Variants in ABCC11 observed in about 807,000 individuals in gnomAD.
ABCC11 encodes ATP-binding cassette sub-family C member 11.
A neutral mutation model predicts 149.3 loss-of-function variants in ABCC11; 135 were observed. That is an observed-to-expected ratio of 0.90 (90% CI 0.79 to 1.04). The LOEUF (loss-of-function observed/expected upper bound fraction) is 1.04, where lower values mean the gene tolerates loss of function less well. Among genes scored for constraint, ABCC11 ranks in the 50% least tolerant of loss-of-function variants. The probability of loss-of-function intolerance (pLI) is 0.00; values close to 1 mark genes in which losing one functional copy is unlikely to be tolerated. For synonymous variants in ABCC11, 665 were observed against 671.4 expected, an observed-to-expected ratio of 0.99 and a Z score of 0.15; for missense variants, 1,680 against 1,722.1, an observed-to-expected ratio of 0.98 and a Z score of 0.43.
intron 17 of ABCC11, among the ~76,000 whole-genome samples, chr16:48,196,607 C>G (rs973152487): frequency 6.6e-6 from 1 of 152,234 alleles, no homozygotes; most frequent in East Asian, 1.9e-4. Flanking sequence ...AAGAAAACCA[C>G]CTGGGACCAG....
chr16:48,215,126 T>C, intron 8 of ABCC11, 71 bp downstream of exon 8: 1 of 1,582,838 alleles, frequency 6.3e-7, no homozygotes, highest in Non-Finnish European at 8.6e-7. Flanking sequence ...AAAAAAATCC[T>C]CAAGAGGTGA....
chr16:48,207,727 A>G (rs1234558680), intron 12 of ABCC11, among the ~76,000 whole-genome samples: 2 of 152,102 alleles, frequency 1.3e-5, no homozygotes, highest in Non-Finnish European at 2.9e-5. Flanking sequence ...GAAAGAAAAG[A>G]AAGAAAAAAG....
At chr16:48,224,470 T>A (rs73546424) in intron 4 of ABCC11, 41 bp from the exon 5 acceptor site, 150,067 of 1,602,192 alleles carry the variant, frequency 0.094, 8,133 homozygotes, top group African/African-American at 0.23. Flanking sequence ...TCTCTTTGCA[T>A]GTGACATCCA....
intron 20 of ABCC11, among the ~76,000 whole-genome samples, chr16:48,188,658 A>G (rs1196526950): frequency 6.6e-6 from 1 of 152,232 alleles, no homozygotes; most frequent in African/African-American, 2.4e-5. Flanking sequence ...AGATTGCAGA[A>G]GAGGAAGTGG....
chr16:48,208,630 C>G, intron 11 of ABCC11, 134 bp from the exon 12 acceptor site: 1 of 899,898 alleles, frequency 1.1e-6, no homozygotes, highest in Non-Finnish European at 1.7e-6. Context: ...CCCAAGACTC[C>G]TCAGACAGGC....
intron 22 of ABCC11, 118 bp downstream of exon 22, chr16:48,186,835 G>C (rs890369427): frequency 4.6e-6 from 6 of 1,302,546 alleles, no homozygotes; most frequent in Non-Finnish European, 6.3e-6. Context: ...TACGTCCATC[G>C]AACAATGTGC....
In ABCC11 at chr16:48,203,229, T is replaced by G. The variant is rs945156497; in HGVS notation, c.1877A>C (p.Glu626Ala). The change falls in exon 14 of 30, where the codon GAG becomes GCG. Residue 626 changes from glutamate (E) to alanine (A), a missense_variant and splice_region_variant. Coordinates refer to ENST00000356608, the MANE Select transcript of ABCC11 (RefSeq NM_001370497.1). Reference protein sequence around the residue: ...LELLPFGDMTEIGERGLNLSG... With the variant: ...LELLPFGDMTAIGERGLNLSG... ...AAGGCAGGCTCGCCTCCCTCTCACC[T>G]CTGTCATGTCTCCAAAGGGCAGAAG... The G allele has an allele frequency of 6.4e-7, 1 of 1,571,732 alleles. No individual in the cohort carries two copies. Among genetic ancestry groups the G allele is most frequent in the Non-Finnish European group, 8.6e-7 (1 of 1,157,422 alleles).
At chr16:48,239,588 C>T (rs1002024447) in intron 1 of ABCC11, among the ~76,000 whole-genome samples, 7 of 141,686 alleles carry the variant, frequency 4.9e-5, no homozygotes, top group Non-Finnish European at 7.7e-5. Flanking sequence ...AAAAAAAAAT[C>T]TAGGTAATAC....
intron 26 of ABCC11, among the ~76,000 whole-genome samples, chr16:48,175,047 C>T (rs1020746894): frequency 3.9e-5 from 6 of 152,220 alleles, no homozygotes; most frequent in Admixed American, 1.3e-4. Context: ...TATAACATTA[C>T]GGTTTACAAA....
At chr16:48,224,514 T>C (rs1463695766) in intron 4 of ABCC11, 85 bp from the exon 5 acceptor site, 164 of 1,478,574 alleles carry the variant, frequency 1.1e-4, no homozygotes, top group Non-Finnish European at 1.5e-4. Flanking sequence ...GGAGCTTTGT[T>C]GCAGAAATTT....
At position 48,170,889 on chromosome 16, in the gene ABCC11, G is replaced by A. The variant is rs777929423; in HGVS notation, c.3777C>T (p.Ala1259=). Residue 1259 remains alanine (A), a splice_region_variant and synonymous_variant, in exon 27 of 30, where the codon GCC becomes GCT. Coordinates refer to ENST00000356608, the MANE Select transcript of ABCC11 (RefSeq NM_001370497.1). The part of the protein sequence containing the change: ...DALERTFLTK[A]ISKFPKKLHT... ...AGACTTGGGCCTTGGAGCTACTTACGGCCTTGGTCAGGAATGTCCTCTCCA... is the reference window on the plus strand; with the variant it reads ...AGACTTGGGCCTTGGAGCTACTTACAGCCTTGGTCAGGAATGTCCTCTCCA... 1.4e-5 allele frequency: 22 copies of A among 1,612,484 alleles called. No individual in the cohort carries two copies. In the East Asian group the frequency reaches 1.8e-4, roughly 13 times the overall value.
In ABCC11 at chr16:48,185,472, G is replaced by C. The variant is rs1364136595; in HGVS notation, c.3072-846C>G. Reference sequence around the variant, plus strand: ...TCAATCACAACCTGTACTGTTATTTGATTAGTATTATTATTTTACTTGCTT... The same window carrying C: ...TCAATCACAACCTGTACTGTTATTTCATTAGTATTATTATTTTACTTGCTT... On this transcript the variant is annotated intron_variant, in intron 22 of 29. Coordinates refer to ENST00000356608, the MANE Select transcript of ABCC11 (RefSeq NM_001370497.1). Among the ~76,000 whole-genome samples the C allele has an allele frequency of 2.6e-5, 4 of 152,048 alleles. No individual in the cohort carries two copies. The East Asian group carries it at 5.8e-4, about 22-fold the overall frequency.
intron 1 of ABCC11, among the ~76,000 whole-genome samples, chr16:48,233,664 C>T (rs545336350): frequency 2.6e-5 from 4 of 152,324 alleles, no homozygotes; most frequent in African/African-American, 9.6e-5. Flanking sequence ...GATTTATTCA[C>T]ACACAAAGAT....
rs1387435585 is a variant in ABCC11, at chr16:48,211,219, T to C, written c.1357-20A>G. 6.2e-7 allele frequency: 1 copy of C among 1,610,244 alleles called. No homozygotes were observed. The highest frequency in any genetic ancestry group is 8.5e-7 in the Non-Finnish European group (1 of 1,178,592). On this transcript the variant is annotated intron_variant, in intron 10 of 29. Coordinates refer to ENST00000356608, the MANE Select transcript of ABCC11 (RefSeq NM_001370497.1). ...AAACTTCTGTAAAGACAGAAAAAAATAGAGGGAGGAGGAATACAGTTCTTT... is the reference window on the plus strand; with the variant it reads ...AAACTTCTGTAAAGACAGAAAAAAACAGAGGGAGGAGGAATACAGTTCTTT...
At chr16:48,183,527 C>T (rs112070797) in intron 23 of ABCC11, among the ~76,000 whole-genome samples, 1,832 of 152,314 alleles carry the variant, frequency 0.012, 40 homozygotes, top group African/African-American at 0.042. Context: ...TTTGGGAGAC[C>T]GAGGCCAGTG....
intron 20 of ABCC11, among the ~76,000 whole-genome samples, chr16:48,189,610 A>AATTAAAAT (rs1966854040): frequency 1.3e-5 from 2 of 152,226 alleles, no homozygotes; most frequent in Non-Finnish European, 2.9e-5. Flanking sequence ...CATTTCTCAA[A>AATTAAAAT]ATTAAAATAC....
In ABCC11 at chr16:48,222,509, C is replaced by T. The variant is rs570768510; in HGVS notation, c.777+89G>A. 3.5e-4 allele frequency: 398 copies of T among 1,121,206 alleles called. No homozygotes were observed. The African/African-American group carries it at 5.0e-3, about 14-fold the overall frequency. 69.5% of individuals were successfully genotyped at this position (1,121,206 alleles called of 1,614,324 possible). On this transcript the variant is annotated intron_variant, in intron 6 of 29. Transcript: ENST00000356608. Reference sequence around the variant, plus strand: ...TCTTTCTCCTTCCTCTTCTAACCCCCTTTTCTCCCTCTCTTGGCCCCCAGG... The same window carrying T: ...TCTTTCTCCTTCCTCTTCTAACCCCTTTTTCTCCCTCTCTTGGCCCCCAGG...
At chr16:48,171,964 GAACAAAACAAAACAA>G (rs537090360) in intron 26 of ABCC11, among the ~76,000 whole-genome samples, 2 of 151,988 alleles carry the variant, frequency 1.3e-5, no homozygotes, top group Non-Finnish European at 2.9e-5. Context: ...CTCGGTCTCA[GAACAAAACAAAACAA>G]AACAAAACAA....
chr16:48,220,973 G>A (rs1969697263), intron 6 of ABCC11, among the ~76,000 whole-genome samples: 1 of 152,202 alleles, frequency 6.6e-6, no homozygotes, highest in Admixed American at 6.5e-5. Flanking sequence ...GCCAGTAGAA[G>A]GCTGGGTTTG....
Sources: allele counts gnomAD v4.1 joint callset (sites outside exome capture counted in the v4.1 genomes callset), GRCh38; gene constraint gnomAD v4.1.1; transcripts MANE v1.5; gene names NCBI Gene and HGNC (gene_info 2026-07-23, HGNC 2026-07-21).